The following CLPB variants were observed in gnomAD, a reference collection of about 807,000 sequenced individuals.
CLPB encodes the protein ClpB family mitochondrial disaggregase, also known as mitochondrial disaggregase.
Under a neutral mutation model 78.4 loss-of-function variants are expected in CLPB, and 40 were observed. The ratio of observed to expected loss-of-function variants is 0.51; its 90% CI spans 0.40 to 0.66. The LOEUF (loss-of-function observed/expected upper bound fraction) is 0.66. Among genes scored for constraint, CLPB ranks in the 30% least tolerant of loss-of-function variants. CLPB has a pLI of 0.00. For missense variants in CLPB, 780 were observed against 886.9 expected, an observed-to-expected ratio of 0.88 and a Z score of 1.53; for synonymous variants, 333 against 348.0, an observed-to-expected ratio of 0.96 and a Z score of 0.48.
At chr11:72,330,597 G>T (rs1950206623) in intron 5 of CLPB, among the ~76,000 whole-genome samples, 1 of 152,192 alleles carries the variant, frequency 6.6e-6, no homozygotes. Context: ...CCTTCCCAAA[G>T]CCCATGTGTA....
rs373944011 is a variant in CLPB, at chr11:72,427,285, C to G, written c.455+3027G>C. On this transcript the variant is annotated intron_variant, in intron 2 of 15. Coordinates refer to ENST00000538039, the MANE Select transcript of CLPB (RefSeq NM_001258392.3). ...GGAGCTGGGGGAGGTCAAGTAGAGG[C>G]AGACACAGTACAGAGCCCCAGAGAG... Among the ~76,000 whole-genome samples, 29 of 152,262 alleles carry G rather than the reference C, an allele frequency of 1.9e-4. No homozygotes were observed. The East Asian group carries it at 4.0e-3, about 21-fold the overall frequency.
intron 5 of CLPB, chr11:72,336,977 G>A (rs1950333536): frequency 5.0e-6 from 2 of 397,924 alleles, no homozygotes; most frequent in East Asian, 7.1e-5. Flanking sequence ...TCTCCCTTCT[G>A]GGCTCCTAGT....
intron 2 of CLPB, among the ~76,000 whole-genome samples, chr11:72,418,153 T>G (rs982431267): frequency 2.0e-5 from 3 of 152,222 alleles, no homozygotes; most frequent in Non-Finnish European, 2.9e-5. Flanking sequence ...TCCTGCTGGT[T>G]AGCCTTTGGA....
In CLPB at chr11:72,371,378, A is replaced by G. The variant is rs375912121; in HGVS notation, c.646+8903T>C. On this transcript the variant is annotated intron_variant, in intron 4 of 15. Transcript: ENST00000538039. Reference sequence around the variant, plus strand: ...AACCCTGTCTCTACTAAAATAAAAAATTTTGCCAGGCATGGTGGCACATGC... The same window carrying G: ...AACCCTGTCTCTACTAAAATAAAAAGTTTTGCCAGGCATGGTGGCACATGC... Among the ~76,000 whole-genome samples the G allele has an allele frequency of 3.0e-4, 46 of 151,904 alleles. No homozygotes were observed. The East Asian group carries it at 4.5e-3, about 15-fold the overall frequency.
At chr11:72,431,294 C>A (rs1158213092) in intron 1 of CLPB, among the ~76,000 whole-genome samples, 1 of 152,234 alleles carries the variant, frequency 6.6e-6, no homozygotes, top group East Asian at 1.9e-4. Flanking sequence ...CTGAGCTACA[C>A]TGCTGGGCAG....
At chr11:72,430,409 C>T (rs761101858) in intron 1 of CLPB, 46 bp from the exon 2 acceptor site, 1 of 1,592,794 alleles carries the variant, frequency 6.3e-7, no homozygotes, top group Non-Finnish European at 8.6e-7. Flanking sequence ...CAGGACATAC[C>T]CATCTCAGGA....
intron 5 of CLPB, among the ~76,000 whole-genome samples, chr11:72,341,597 G>C (rs1272787445): frequency 6.6e-6 from 1 of 152,202 alleles, no homozygotes; most frequent in Non-Finnish European, 1.5e-5. Context: ...TCCAGGCAAA[G>C]TGAATGAGGA....
chr11:72,292,037 T>A lies in CLPB; in HGVS notation c.*1330A>T, dbSNP rs1227416674. On this transcript the variant is annotated 3_prime_UTR_variant, in exon 16 of 16. Transcript: ENST00000538039. ...CAGCTTGGGGGACAGAGTGAGACTCTGTCTCAAAAAAAAAAAAAAAAAAAA... is the reference window on the plus strand; with the variant it reads ...CAGCTTGGGGGACAGAGTGAGACTCAGTCTCAAAAAAAAAAAAAAAAAAAA... The A allele has an allele frequency of 8.5e-6, 1 of 118,122 alleles. No individual in the cohort carries two copies. The highest frequency in any genetic ancestry group is 3.7e-5 in the African/African-American group (1 of 26,804). 7.3% of individuals were successfully genotyped at this position (118,122 alleles called of 1,614,324 possible).
At chr11:72,367,407 G>A (rs558659360) in intron 4 of CLPB, among the ~76,000 whole-genome samples, 126 of 152,134 alleles carry the variant, frequency 8.3e-4, no homozygotes, top group Admixed American at 1.7e-3. Flanking sequence ...CAAGTTATCC[G>A]CCTGCTTTGG....
Position 72,317,821 on chromosome 11 carries a change from C to T in CLPB, c.874-601G>A, listed in dbSNP as rs373109078. Reference sequence around the variant, plus strand: ...GGGCAGAGGAAGGAGGACTGTGCCCCGTTGCCTGGGAGGTTCTAGTTGATG... The same window carrying T: ...GGGCAGAGGAAGGAGGACTGTGCCCTGTTGCCTGGGAGGTTCTAGTTGATG... On this transcript the variant is annotated intron_variant, in intron 6 of 15. Transcript: ENST00000538039. Among the ~76,000 whole-genome samples the T allele has an allele frequency of 1.2e-4, 19 of 152,218 alleles. No homozygotes were observed. In the East Asian group the frequency reaches 1.9e-3, roughly 15 times the overall value.
At chr11:72,409,265 A>G (rs1286088535) in intron 2 of CLPB, among the ~76,000 whole-genome samples, 1 of 152,142 alleles carries the variant, frequency 6.6e-6, no homozygotes, top group Non-Finnish European at 1.5e-5. Flanking sequence ...CCAGGGTGGT[A>G]GACACAGAGT....
At chr11:72,390,816 A>G (rs1855232030) in intron 3 of CLPB, among the ~76,000 whole-genome samples, 1 of 152,168 alleles carries the variant, frequency 6.6e-6, no homozygotes, top group South Asian at 2.1e-4. Context: ...TGAGTATACA[A>G]TTCTTAGAAA....
chr11:72,408,154 C>T lies in CLPB; in HGVS notation c.456-5102G>A, dbSNP rs1172770751. The T allele has an allele frequency of 3.9e-6, 6 of 1,535,590 alleles. No homozygotes were observed. The Admixed American group carries it at 5.9e-5, about 15-fold the overall frequency. The stretch of plus-strand genomic sequence containing the variant: ...TGTTCTTCAGTGAGACTCCAGCATT[C>T]AGCCCTGCCCAGCTTCTTGACTGAG... On this transcript the variant is annotated intron_variant, in intron 2 of 15. Coordinates refer to ENST00000538039, the MANE Select transcript of CLPB (RefSeq NM_001258392.3).
At chr11:72,353,880 G>T (rs1950658570) in intron 5 of CLPB, among the ~76,000 whole-genome samples, 1 of 152,106 alleles carries the variant, frequency 6.6e-6, no homozygotes, top group Non-Finnish European at 1.5e-5. Context: ...GGTAGGTGAG[G>T]GTCAGACTAG....
chr11:72,308,508 C>T lies in CLPB; in HGVS notation c.1066+19G>A. The stretch of plus-strand genomic sequence containing the variant: ...TACCCTAGCTCTCTGTCCCCACTGG[C>T]TGATCTGCTCCCAATTACCTATTCC... On this transcript the variant is annotated intron_variant, in intron 8 of 15. Coordinates refer to ENST00000538039, the MANE Select transcript of CLPB (RefSeq NM_001258392.3). 6.2e-7 allele frequency: 1 copy of T among 1,612,192 alleles called. No homozygotes were observed. Among genetic ancestry groups the T allele is most frequent in the Non-Finnish European group, 8.5e-7 (1 of 1,178,196 alleles).
At position 72,290,969 on chromosome 11, in the gene CLPB, A is replaced by G. The variant is rs1949444284; in HGVS notation, c.*2398T>C. On this transcript the variant is annotated 3_prime_UTR_variant, in exon 16 of 16. Coordinates refer to ENST00000538039, the MANE Select transcript of CLPB (RefSeq NM_001258392.3). ...CAAAAAAAAAAAAAAAACCAAAACA[A>G]AAAGTTACCACCACCCTCCGCTAGG... 1 of 151,826 alleles carries G rather than the reference A, an allele frequency of 6.6e-6. No homozygotes were observed. Among genetic ancestry groups the G allele is most frequent in the Non-Finnish European group, 1.5e-5 (1 of 67,942 alleles). 9.4% of individuals were successfully genotyped at this position (151,826 alleles called of 1,614,324 possible). A position where few individuals can be genotyped will look rare whatever the true frequency, so the allele number is the denominator to read the frequency against.
In CLPB at chr11:72,285,597, T is replaced by C. The variant is rs1390458883; in HGVS notation, c.*7770A>G. The C allele has an allele frequency of 6.6e-6, 1 of 152,224 alleles. No homozygotes were observed. Among genetic ancestry groups the C allele is most frequent in the African/African-American group, 2.4e-5 (1 of 41,452 alleles). 9.4% of individuals were successfully genotyped at this position (152,224 alleles called of 1,614,324 possible). A position where few individuals can be genotyped will look rare whatever the true frequency, so the allele number is the denominator to read the frequency against. ...CTAAAACTTGATGTTTTTTCACTTG[T>C]CAGGTCTTATTTTTATGCCCTTCAA... On this transcript the variant is annotated 3_prime_UTR_variant, in exon 16 of 16. Transcript: ENST00000538039.
chr11:72,411,232 C>T (rs1855868449), intron 2 of CLPB, among the ~76,000 whole-genome samples: 1 of 152,228 alleles, frequency 6.6e-6, no homozygotes, highest in Non-Finnish European at 1.5e-5. Context: ...ACCAATACTT[C>T]TGTCTGGTGC....
chr11:72,317,454 C>T (rs1210784896), intron 6 of CLPB, among the ~76,000 whole-genome samples: 2 of 152,210 alleles, frequency 1.3e-5, no homozygotes, highest in African/African-American at 4.8e-5. Flanking sequence ...AGCAGATTAA[C>T]CGTGGCTCTG....
Sources: gnomAD v4.1 joint callset for allele counts (sites outside exome capture counted in the v4.1 genomes callset) on GRCh38, gnomAD v4.1.1 for gene constraint, MANE v1.5 for transcripts, NCBI Gene and HGNC (gene_info 2026-07-23, HGNC 2026-07-21) for gene names.